The following LIMCH1 variants were observed in gnomAD, a reference collection of about 807,000 sequenced individuals.
LIMCH1 encodes the protein LIM and calponin homology domains 1.
A neutral mutation model predicts 176.5 loss-of-function variants in LIMCH1; 113 were observed. That is an observed-to-expected ratio of 0.64 (90% CI 0.55 to 0.75). LIMCH1 has a LOEUF of 0.75. LIMCH1 is among the 30% of genes least tolerant of loss of function. The pLI, the probability that LIMCH1 is intolerant of heterozygous loss-of-function variation, is 0.00. For synonymous variants in LIMCH1, 619 were observed against 645.9 expected, an observed-to-expected ratio of 0.96 and a Z score of 0.63; for missense variants, 1,674 against 1,814.9, an observed-to-expected ratio of 0.92 and a Z score of 1.41.
At chr4:41,510,060 C>A (rs1405556691) in intron 2 of LIMCH1, among the ~76,000 whole-genome samples, 1 of 152,128 alleles carries the variant, frequency 6.6e-6, no homozygotes, top group Non-Finnish European at 1.5e-5. Context: ...CCCAGTAGGG[C>A]ATTTACAGAG....
chr4:41,680,841 C>T, intron 24 of LIMCH1, 114 bp from the exon 25 acceptor site: 1 of 560,636 alleles, frequency 1.8e-6, no homozygotes, highest in Non-Finnish European at 3.3e-6. Context: ...TTAAAATGCC[C>T]TGCTTGTTCG....
chr4:41,448,861 G>T (rs1407550267), intron 1 of LIMCH1, among the ~76,000 whole-genome samples: 1 of 151,908 alleles, frequency 6.6e-6, no homozygotes, highest in African/African-American at 2.4e-5. Context: ...CAGTAAAAAA[G>T]CTTTTGAGCA....
intron 1 of LIMCH1, among the ~76,000 whole-genome samples, chr4:41,575,755 T>A (rs1008837453): frequency 3.9e-5 from 6 of 152,186 alleles, no homozygotes; most frequent in Admixed American, 1.3e-4. Flanking sequence ...TATCTGGTGG[T>A]AGTAGATATT....
At chr4:41,632,894 C>G in intron 11 of LIMCH1, 27 bp downstream of exon 11, 1 of 1,531,818 alleles carries the variant, frequency 6.5e-7, no homozygotes, top group Non-Finnish European at 8.7e-7. Flanking sequence ...CCTGCCTTCC[C>G]GGGAGGTGAA....
intron 4 of LIMCH1, among the ~76,000 whole-genome samples, chr4:41,611,251 GAGC>G (rs1325467731): frequency 6.6e-6 from 1 of 152,206 alleles, no homozygotes; most frequent in Non-Finnish European, 1.5e-5. Flanking sequence ...TAGGAACAAT[GAGC>G]TGTACATATA....
chr4:41,523,921 T>C (rs974266954), intron 2 of LIMCH1, among the ~76,000 whole-genome samples: 1 of 152,196 alleles, frequency 6.6e-6, no homozygotes, highest in African/African-American at 2.4e-5. Context: ...CTCAACCACA[T>C]TGAAAAAGCC....
intron 28 of LIMCH1, among the ~76,000 whole-genome samples, chr4:41,687,465 A>C (rs549965199): frequency 7.3e-4 from 111 of 152,188 alleles, no homozygotes; most frequent in African/African-American, 2.6e-3. Context: ...CACGGAGTCC[A>C]TCGTTTTTAT....
At chr4:41,580,261 C>T (rs2085195524) in intron 1 of LIMCH1, among the ~76,000 whole-genome samples, 1 of 152,146 alleles carries the variant, frequency 6.6e-6, no homozygotes, top group Non-Finnish European at 1.5e-5. Context: ...CCCTCTCCTT[C>T]CCCTGAATCA....
rs2152923890 is a variant in LIMCH1, at chr4:41,644,492, A to G, written c.2127-8A>G. ...GGTCCCTCTTGTGTTCGCTCTCTCCACACTCAGGAGCACCAGCATGTTTGA... is the reference window on the plus strand; with the variant it reads ...GGTCCCTCTTGTGTTCGCTCTCTCCGCACTCAGGAGCACCAGCATGTTTGA... On this transcript the variant is annotated splice_polypyrimidine_tract_variant and splice_region_variant and intron_variant, in intron 14 of 31. Transcript: ENST00000503057. The G allele has an allele frequency of 2.6e-6, 4 of 1,547,112 alleles. No homozygotes were observed. In the South Asian group the frequency reaches 4.8e-5, roughly 19 times the overall value.
rs1304554637 is a variant in LIMCH1 at position 41,633,104 on chromosome 4, C to G, written c.1829+19C>G. 1 of 1,496,906 alleles carries G rather than the reference C, an allele frequency of 6.7e-7. No homozygotes were observed. The highest frequency in any genetic ancestry group is 9.0e-7 in the Non-Finnish European group (1 of 1,112,772). 92.7% of individuals were successfully genotyped at this position (1,496,906 alleles called of 1,614,324 possible). A position where few individuals can be genotyped will look rare whatever the true frequency, so the allele number is the denominator to read the frequency against. The stretch of plus-strand genomic sequence containing the variant: ...AGCCACTGTGAGCATCTTGCCTGCG[C>G]TCTGCTCCGTGGTGTGTTGCCCCTG... On this transcript the variant is annotated intron_variant, in intron 12 of 31. Coordinates refer to ENST00000503057, the MANE Select transcript of LIMCH1 (RefSeq NM_001330672.2).
chr4:41,364,729 T>C (rs981607792), intron 1 of LIMCH1, among the ~76,000 whole-genome samples: 1 of 152,240 alleles, frequency 6.6e-6, no homozygotes, highest in Non-Finnish European at 1.5e-5. Context: ...CCTCTCCTCT[T>C]GTTCTTGTAG....
At chr4:41,436,193 T>C (rs976359298) in intron 1 of LIMCH1, among the ~76,000 whole-genome samples, 2 of 152,170 alleles carry the variant, frequency 1.3e-5, no homozygotes, top group African/African-American at 4.8e-5. Flanking sequence ...TGGAGGTGAT[T>C]GTGGTGGTGG....
upstream of LIMCH1, among the ~76,000 whole-genome samples, chr4:41,534,109 T>C (rs191831593): frequency 5.5e-4 from 83 of 152,290 alleles, 1 homozygote; most frequent in Admixed American, 4.9e-3. Context: ...AAGCTGATTA[T>C]GGCAAGATAC....
chr4:41,465,151 C>G (rs2065934171), intron 1 of LIMCH1, among the ~76,000 whole-genome samples: 1 of 152,196 alleles, frequency 6.6e-6, no homozygotes, highest in African/African-American at 2.4e-5. Context: ...TTCCAGCAGT[C>G]TTTCTCCTGC....
At chr4:41,581,151 A>ATCT (rs1353782236) in intron 1 of LIMCH1, among the ~76,000 whole-genome samples, 109 of 124,830 alleles carry the variant, frequency 8.7e-4, no homozygotes, top group African/African-American at 3.6e-3. Flanking sequence ...TCTATCATCT[A>ATCT]ATCAATCATC....
chr4:41,512,605 A>ATGGATGAACCT (rs11275545), intron 2 of LIMCH1, among the ~76,000 whole-genome samples: 78,683 of 151,788 alleles, frequency 0.52, 23,558 homozygotes, highest in African/African-American at 0.83. Context: ...ATGCTACAAC[A>ATGGATGAACCT]TGGATGAACC....
At chr4:41,519,566 A>G (rs751266949) in intron 2 of LIMCH1, among the ~76,000 whole-genome samples, 2 of 152,186 alleles carry the variant, frequency 1.3e-5, no homozygotes, top group African/African-American at 2.4e-5. Flanking sequence ...TAGGCAAGCT[A>G]TAGACATTTG....
chr4:41,359,785 A>T (rs978065686), upstream of LIMCH1: 1 of 152,102 alleles, frequency 6.6e-6, no homozygotes, highest in Non-Finnish European at 1.5e-5. Flanking sequence ...CCTCCCGTTA[A>T]TGGAACCGCG....
At chr4:41,428,662 A>G (rs995843744) in intron 1 of LIMCH1, among the ~76,000 whole-genome samples, 3 of 152,198 alleles carry the variant, frequency 2.0e-5, no homozygotes, top group African/African-American at 7.2e-5. Context: ...ATATTCTGTT[A>G]TGTGTCCCAG....
Sources: allele counts gnomAD v4.1 joint callset (sites outside exome capture counted in the v4.1 genomes callset), GRCh38; gene constraint gnomAD v4.1.1; transcripts MANE v1.5; gene names NCBI Gene and HGNC (gene_info 2026-07-23, HGNC 2026-07-21).